PHACTR1: variants seen among roughly 807,000 people sequenced by gnomAD.
PHACTR1 encodes RPEL repeat containing 1.
PHACTR1 carries 16 observed loss-of-function variants against 69.2 expected under a neutral mutation model. The observed-to-expected ratio is 0.23, with a 90% CI of 0.16 to 0.35. PHACTR1 has a LOEUF of 0.35. PHACTR1 is among the 10% of genes least tolerant of loss of function. PHACTR1 has a pLI of 1.00. For missense variants in PHACTR1, 510 were observed against 734.7 expected (o/e 0.69, Z 3.54); for synonymous variants, 312 against 284.5 (o/e 1.10, Z -0.97).
At chr6:12,911,386 C>A (rs1168698374) in intron 4 of PHACTR1, among the ~76,000 whole-genome samples, 1 of 152,126 alleles carries the variant, frequency 6.6e-6, no homozygotes, top group Non-Finnish European at 1.5e-5. Context: ...TATATCACAC[C>A]ATATCTTACT....
At chr6:12,912,880 A>T (rs1183787161) in intron 4 of PHACTR1, among the ~76,000 whole-genome samples, 1 of 152,190 alleles carries the variant, frequency 6.6e-6, no homozygotes, top group African/African-American at 2.4e-5. Context: ...CCTGAGCCCC[A>T]GAGGCCAAGG....
At chr6:12,904,164 T>C (rs1785480562) in intron 4 of PHACTR1, among the ~76,000 whole-genome samples, 1 of 152,170 alleles carries the variant, frequency 6.6e-6, no homozygotes, top group Non-Finnish European at 1.5e-5. Context: ...AACATACATA[T>C]GAATTAACAA....
chr6:12,818,073 T>C (rs1417999977), intron 4 of PHACTR1, among the ~76,000 whole-genome samples: 1 of 152,214 alleles, frequency 6.6e-6, no homozygotes, highest in Non-Finnish European at 1.5e-5. Flanking sequence ...TCCACCTGCC[T>C]TGGCCTCCCA....
intron 5 of PHACTR1, among the ~76,000 whole-genome samples, chr6:13,064,618 C>CTATA (rs201209529): frequency 8.6e-5 from 1 of 11,634 alleles, no homozygotes. Flanking sequence ...ATATATCTAT[C>CTATA]TATCCACACT....
intron 5 of PHACTR1, among the ~76,000 whole-genome samples, chr6:13,156,299 A>C (rs1561913090): frequency 6.6e-6 from 1 of 152,250 alleles, no homozygotes; most frequent in Non-Finnish European, 1.5e-5. Context: ...GGACAAAGCC[A>C]TAGAAGAAAT....
intron 4 of PHACTR1, among the ~76,000 whole-genome samples, chr6:12,753,071 C>T (rs1168993397): frequency 6.6e-6 from 1 of 152,148 alleles, no homozygotes; most frequent in Non-Finnish European, 1.5e-5. Context: ...AAGATTAAAA[C>T]ATTCAAAAAG....
rs140178864 is a variant in PHACTR1, at chr6:12,852,719, A to G, written c.250+102929A>G. 2.7e-3 allele frequency among the ~76,000 whole-genome samples: 409 copies of G among 152,362 alleles called. 2 individuals carry two copies. Among genetic ancestry groups the G allele is most frequent in the African/African-American group, 8.2e-3 (343 of 41,582 alleles). ...TCTCAATGGATCACAAAAGCATACA[A>G]TCATTGCTGGTAGGAAATGAAAAAA... is the stretch of plus-strand genomic sequence containing the variant. On this transcript the variant is annotated intron_variant, in intron 4 of 14. Coordinates refer to ENST00000332995, the MANE Select transcript of PHACTR1 (RefSeq NM_030948.6).
At chr6:12,757,851 C>T (rs1554134124) in intron 4 of PHACTR1, among the ~76,000 whole-genome samples, 1 of 152,104 alleles carries the variant, frequency 6.6e-6, no homozygotes, top group Non-Finnish European at 1.5e-5. Flanking sequence ...GTGGCTTACA[C>T]CTCTAATTCT....
At chr6:12,822,457 G>A (rs2127713819) in intron 4 of PHACTR1, among the ~76,000 whole-genome samples, 1 of 152,316 alleles carries the variant, frequency 6.6e-6, no homozygotes, top group East Asian at 1.9e-4. Context: ...GGTGCTAGGG[G>A]ATGCCTGACA....
At chr6:13,084,557 G>C (rs1811973321) in intron 5 of PHACTR1, among the ~76,000 whole-genome samples, 1 of 150,818 alleles carries the variant, frequency 6.6e-6, no homozygotes, top group African/African-American at 2.4e-5. Flanking sequence ...TAAAAAAAAA[G>C]AAAAATGAAC....
intron 3 of PHACTR1, 62 bp downstream of exon 3, chr6:12,718,909 G>C: frequency 8.1e-6 from 8 of 983,042 alleles, no homozygotes; most frequent in Non-Finnish European, 1.2e-5. Flanking sequence ...GAACAGCCAT[G>C]TAGGCTGTAG....
rs938670723 is a variant in PHACTR1, at chr6:13,246,199, T to A, written c.1391+16006T>A. Among the ~76,000 whole-genome samples, 25 of 152,204 alleles carry A rather than the reference T, an allele frequency of 1.6e-4. No individual in the cohort carries two copies. The highest frequency in any genetic ancestry group is 4.8e-4 in the African/African-American group (20 of 41,444). ...GTTAGCAACCATAACAACTCATATA[T>A]CTTCGTTGATTTTCTCAAAAGAAAA... On this transcript the variant is annotated intron_variant, in intron 10 of 14. Coordinates refer to ENST00000332995, the MANE Select transcript of PHACTR1 (RefSeq NM_030948.6). The surrounding 1 kb of genome is among the most constrained non-coding windows in gnomAD (Gnocchi z 4.2).
chr6:12,811,914 G>T (rs1027352502), intron 4 of PHACTR1, among the ~76,000 whole-genome samples: 3 of 152,070 alleles, frequency 2.0e-5, no homozygotes, highest in Non-Finnish European at 2.9e-5. Context: ...AGAGATTCAT[G>T]GTCCTTTGTT....
intron 4 of PHACTR1, among the ~76,000 whole-genome samples, chr6:12,934,680 A>G (rs925056995): frequency 1.3e-5 from 2 of 152,172 alleles, no homozygotes; most frequent in African/African-American, 4.8e-5. Context: ...TAATAAAAAT[A>G]CAAAAATTAG....
chr6:13,169,067 A>G (rs1487916317), intron 6 of PHACTR1, among the ~76,000 whole-genome samples: 1 of 151,994 alleles, frequency 6.6e-6, no homozygotes, highest in Non-Finnish European at 1.5e-5. Context: ...GGTAGTGGGG[A>G]AAAGGGTAGT....
intron 5 of PHACTR1, among the ~76,000 whole-genome samples, chr6:13,124,855 G>A (rs1363965809): frequency 1.3e-5 from 2 of 152,166 alleles, no homozygotes; most frequent in African/African-American, 4.8e-5. Flanking sequence ...GTCTTATATG[G>A]TGTCTTTTCT....
chr6:13,123,154 T>C lies in PHACTR1; in HGVS notation c.416-37050T>C, dbSNP rs75561048. On this transcript the variant is annotated intron_variant, in intron 5 of 14. Transcript: ENST00000332995. ...GATATGAAGATAAACATTTCTTATA[T>C]GATTTCACCTAAAGCCAGCTCAGCC... Among the ~76,000 whole-genome samples the C allele has an allele frequency of 1.1e-3, 162 of 152,336 alleles. 1 individual carries two copies. Among genetic ancestry groups the C allele is most frequent in the Non-Finnish European group, 2.1e-3 (140 of 68,034 alleles).
Position 13,143,815 on chromosome 6 carries a change from T to A in PHACTR1, c.416-16389T>A, listed in dbSNP as rs1334935777. On this transcript the variant is annotated intron_variant, in intron 5 of 14. Coordinates refer to ENST00000332995, the MANE Select transcript of PHACTR1 (RefSeq NM_030948.6). ...ATAAACATAAAAAATTTATATAAAA[T>A]ATTAGGAAATTGAATCTGATGATAT... Among the ~76,000 whole-genome samples the A allele has an allele frequency of 3.3e-5, 5 of 152,138 alleles. No homozygotes were observed. The East Asian group carries it at 9.6e-4, about 29-fold the overall frequency.
At chr6:13,072,712 T>C (rs918218993) in intron 5 of PHACTR1, among the ~76,000 whole-genome samples, 1 of 152,220 alleles carries the variant, frequency 6.6e-6, no homozygotes, top group Non-Finnish European at 1.5e-5. Flanking sequence ...TCTTTATGCA[T>C]TTCTCCTTTA....
Sources: allele counts gnomAD v4.1 joint callset (sites outside exome capture counted in the v4.1 genomes callset), GRCh38; gene constraint gnomAD v4.1.1; non-coding constraint Gnocchi (gnomAD v3.1); transcripts MANE v1.5; gene names NCBI Gene and HGNC (gene_info 2026-07-23, HGNC 2026-07-21).